The following GPR176 variants were observed in gnomAD, a reference collection of about 807,000 sequenced individuals.
GPR176 encodes G protein-coupled receptor 176, also known as G-protein coupled receptor 176.
A neutral mutation model predicts 35.4 loss-of-function variants in GPR176; 26 were observed. The observed-to-expected ratio is 0.74, with a 90% CI of 0.54 to 1.02. The LOEUF (loss-of-function observed/expected upper bound fraction) is 1.02, where lower values mean the gene tolerates loss of function less well. GPR176 is among the 50% of genes least tolerant of loss of function. The probability of loss-of-function intolerance (pLI) is 0.00; values close to 1 mark genes in which losing one functional copy is unlikely to be tolerated. For synonymous variants in GPR176, 278 were observed against 271.3 expected (o/e 1.02, Z -0.24); for missense variants, 597 against 665.3 (o/e 0.90, Z 1.13).
intron 1 of GPR176, among the ~76,000 whole-genome samples, chr15:39,864,645 C>T (rs1023115252): frequency 9.9e-5 from 15 of 151,978 alleles, no homozygotes; most frequent in East Asian, 1.9e-4. Flanking sequence ...AAAGAATTCA[C>T]GACTAACACC....
In GPR176 at chr15:39,920,096, G is replaced by T. The variant is rs2033838598; in HGVS notation, c.-70C>A. On this transcript the variant is annotated 5_prime_UTR_variant, in exon 1 of 3. Transcript: ENST00000561100. ...CCCGCGCGGAGCCTCTCCTCCTCCG[G>T]GTGAGGAGGGACGCGCGGGCGCCTG... 6 of 1,071,570 alleles carry T rather than the reference G, an allele frequency of 5.6e-6. No individual in the cohort carries two copies. The highest frequency in any genetic ancestry group is 7.3e-6 in the Non-Finnish European group (6 of 826,990). The allele number at this position is 1,071,570 out of a possible 1,614,324, so 66.4% of individuals were successfully genotyped here.
intron 1 of GPR176, among the ~76,000 whole-genome samples, chr15:39,842,649 C>T (rs7168024): frequency 0.035 from 5,385 of 152,142 alleles, 306 homozygotes; most frequent in African/African-American, 0.12. Context: ...GACATTCTGG[C>T]CATCTATGAA....
intron 2 of GPR176, among the ~76,000 whole-genome samples, chr15:39,805,626 C>G (rs1899142338): frequency 6.6e-6 from 1 of 152,164 alleles, no homozygotes; most frequent in South Asian, 2.1e-4. Flanking sequence ...GACTTGTCAC[C>G]TGCCTTGTTT....
intron 1 of GPR176, among the ~76,000 whole-genome samples, chr15:39,901,933 A>AT (rs796867222): frequency 4.4e-4 from 67 of 151,562 alleles, no homozygotes; most frequent in African/African-American, 1.4e-3. Flanking sequence ...AAAAAAAAAA[A>AT]ATTAGCCAGA....
At chr15:39,871,123 C>A (rs1420780607) in intron 1 of GPR176, among the ~76,000 whole-genome samples, 1 of 152,078 alleles carries the variant, frequency 6.6e-6, no homozygotes, top group Non-Finnish European at 1.5e-5. Context: ...ATACAGTTGG[C>A]AAGCACAGAA....
chr15:39,802,900 C>G (rs976728962), intron 2 of GPR176, among the ~76,000 whole-genome samples: 1 of 152,206 alleles, frequency 6.6e-6, no homozygotes, highest in Non-Finnish European at 1.5e-5. Context: ...ATGATAATCA[C>G]TCAGTAACCC....
chr15:39,906,077 G>A (rs539476876), intron 1 of GPR176, among the ~76,000 whole-genome samples: 5 of 152,310 alleles, frequency 3.3e-5, no homozygotes, highest in South Asian at 2.1e-4. Flanking sequence ...TTAAAAAGAT[G>A]CTGAAGGTTT....
intron 1 of GPR176, among the ~76,000 whole-genome samples, chr15:39,844,339 G>A (rs907088264): frequency 6.6e-6 from 1 of 152,076 alleles, no homozygotes; most frequent in Admixed American, 6.6e-5. Flanking sequence ...TCTTGAAAAG[G>A]TAGTTTCCAA....
At chr15:39,860,748 G>A (rs190918011) in intron 1 of GPR176, 34 of 152,276 alleles carry the variant, frequency 2.2e-4, no homozygotes, top group African/African-American at 7.9e-4. Context: ...GTCATGAAGA[G>A]CCTGATTGAC....
At chr15:39,830,958 C>T (rs1901037154) in intron 1 of GPR176, among the ~76,000 whole-genome samples, 1 of 152,172 alleles carries the variant, frequency 6.6e-6, no homozygotes, top group Non-Finnish European at 1.5e-5. Context: ...GCCTCCACTA[C>T]ATTCCATGTT....
chr15:39,894,151 C>T (rs1329567873), intron 1 of GPR176, among the ~76,000 whole-genome samples: 21 of 124,700 alleles, frequency 1.7e-4, no homozygotes, highest in African/African-American at 5.9e-4. Flanking sequence ...CCCCACCTCC[C>T]TCCCGGATGG....
rs150217809 is a variant in GPR176, at chr15:39,840,371, C to G, written c.173-33113G>C. On this transcript the variant is annotated intron_variant, in intron 1 of 2. Coordinates refer to ENST00000561100, the MANE Select transcript of GPR176 (RefSeq NM_007223.3). Reference sequence around the variant, plus strand: ...GCTGGAAACCATCATTCTGAGCAAACTATTGCAAGGACAGAAAACCAAACA... The same window carrying G: ...GCTGGAAACCATCATTCTGAGCAAAGTATTGCAAGGACAGAAAACCAAACA... Among the ~76,000 whole-genome samples, 1,091 of 152,274 alleles carry G rather than the reference C, an allele frequency of 7.2e-3. 7 individuals are homozygous for G. Among genetic ancestry groups the G allele is most frequent in the South Asian group, 0.02 (96 of 4,824 alleles).
At chr15:39,918,540 G>A (rs774335367) in intron 1 of GPR176, among the ~76,000 whole-genome samples, 1 of 152,142 alleles carries the variant, frequency 6.6e-6, no homozygotes, top group Admixed American at 6.5e-5. Context: ...CTTTAAGTGT[G>A]ACAATACTCA....
chr15:39,801,876 C>G lies in GPR176; in HGVS notation c.804G>C (p.Leu268=), dbSNP rs146834034. 452 of 1,614,056 alleles carry G rather than the reference C, an allele frequency of 2.8e-4. No individual in the cohort carries two copies. The African/African-American group carries it at 5.7e-3, about 20-fold the overall frequency. ...SQREAELHAT[L]LSMVMVFILC... ...AGATGAAGACCATCACCATGGAGAG[C>G]AGGGTGGCGTGCAGCTCGGCCTCCC... Residue 268 remains leucine (L), a synonymous_variant, in exon 3 of 3, where the codon CTG becomes CTC. Coordinates refer to ENST00000561100, the MANE Select transcript of GPR176 (RefSeq NM_007223.3).
At chr15:39,829,267 C>T (rs1311931034) in intron 1 of GPR176, 4 of 1,443,590 alleles carry the variant, frequency 2.8e-6, no homozygotes, top group Non-Finnish European at 3.6e-6. Context: ...TGGACTCGGG[C>T]ATCAGAATGG....
intron 2 of GPR176, among the ~76,000 whole-genome samples, chr15:39,804,651 G>C (rs181687045): frequency 6.6e-6 from 1 of 151,168 alleles, no homozygotes; most frequent in East Asian, 1.9e-4. Flanking sequence ...ATTCATAGCA[G>C]CATTACTCAC....
At chr15:39,859,540 A>C (rs1409853789) in intron 1 of GPR176, among the ~76,000 whole-genome samples, 1 of 152,098 alleles carries the variant, frequency 6.6e-6, no homozygotes, top group Non-Finnish European at 1.5e-5. Flanking sequence ...GGATGCAGAG[A>C]AATTGGAACC....
At chr15:39,865,908 T>C (rs904915552) in intron 1 of GPR176, among the ~76,000 whole-genome samples, 5 of 152,124 alleles carry the variant, frequency 3.3e-5, no homozygotes, top group Admixed American at 6.5e-5. Flanking sequence ...TAGTTATTCA[T>C]TGTAGCATTA....
rs528639500 is a variant in GPR176, at chr15:39,871,994, G to A, written c.172+47861C>T. On this transcript the variant is annotated intron_variant, in intron 1 of 2. Coordinates refer to ENST00000561100, the MANE Select transcript of GPR176 (RefSeq NM_007223.3). ...TTTTTAATGGGAAAGGGATAATGAG[G>A]CCAATTTTATCCAATTCAGCATTTA... is the stretch of plus-strand genomic sequence containing the variant. Among the ~76,000 whole-genome samples the A allele has an allele frequency of 7.2e-5, 11 of 152,276 alleles. 1 individual carries two copies. The South Asian group carries it at 2.3e-3, about 32-fold the overall frequency.
Sources: allele counts gnomAD v4.1 joint callset (sites outside exome capture counted in the v4.1 genomes callset), GRCh38; gene constraint gnomAD v4.1.1; transcripts MANE v1.5; gene names NCBI Gene and HGNC (gene_info 2026-07-23, HGNC 2026-07-21).